Variants in PAPSS2 observed in about 807,000 individuals in gnomAD.
PAPSS2 encodes the protein 3'-phosphoadenosine 5'-phosphosulfate synthase 2.
Under a neutral mutation model 66.5 loss-of-function variants are expected in PAPSS2, and 61 were observed. The observed-to-expected ratio is 0.92, with a 90% confidence interval of 0.75 to 1.14. The LOEUF is 1.14. PAPSS2 is among the 50% of genes most tolerant of loss of function. The probability of loss-of-function intolerance (pLI) is 0.00; values close to 1 mark genes in which losing one functional copy is unlikely to be tolerated. For missense variants in PAPSS2, 708 were observed against 789.6 expected, an observed-to-expected ratio of 0.90 and a Z score of 1.24; for synonymous variants, 289 against 287.5, an observed-to-expected ratio of 1.01 and a Z score of -0.05.
At chr10:87,690,718 C>G (rs1017623047) in intron 1 of PAPSS2, among the ~76,000 whole-genome samples, 1 of 152,138 alleles carries the variant, frequency 6.6e-6, no homozygotes, top group African/African-American at 2.4e-5. Flanking sequence ...TTAAAAACAA[C>G]TATTTTTCTT....
intron 1 of PAPSS2, among the ~76,000 whole-genome samples, chr10:87,678,378 G>A (rs1185562449): frequency 2.0e-5 from 3 of 152,060 alleles, no homozygotes; most frequent in Non-Finnish European, 4.4e-5. Flanking sequence ...TCAAGATATT[G>A]GTCTAGGCAA....
chr10:87,721,933 C>G (rs558690306), intron 8 of PAPSS2, among the ~76,000 whole-genome samples, 163 bp downstream of exon 8: 1 of 152,238 alleles, frequency 6.6e-6, no homozygotes, highest in South Asian at 2.1e-4. Context: ...CTGTATTTTT[C>G]TTTAGACTGG....
intron 10 of PAPSS2, 58 bp from the exon 11 acceptor site, chr10:87,743,315 G>A: frequency 1.3e-6 from 2 of 1,547,606 alleles, no homozygotes; most frequent in Non-Finnish European, 1.8e-6. Context: ...TTCTGTTCTT[G>A]TGGAGAAATG....
chr10:87,662,272 A>G (rs1938361082), intron 1 of PAPSS2, among the ~76,000 whole-genome samples: 1 of 152,112 alleles, frequency 6.6e-6, no homozygotes, highest in Non-Finnish European at 1.5e-5. Flanking sequence ...GGAAAAGGAG[A>G]TACCTCTTTT....
At chr10:87,742,646 A>G (rs1211688630) in intron 10 of PAPSS2, among the ~76,000 whole-genome samples, 1 of 152,226 alleles carries the variant, frequency 6.6e-6, no homozygotes, top group Non-Finnish European at 1.5e-5. Flanking sequence ...AGATTTCTTT[A>G]AAGCGAAAGC....
chr10:87,712,069 G>C (rs1004185111), intron 2 of PAPSS2, among the ~76,000 whole-genome samples: 1 of 152,064 alleles, frequency 6.6e-6, no homozygotes, highest in African/African-American at 2.4e-5. Flanking sequence ...AAATTACAAA[G>C]TGTGTTCCTG....
rs545929343 is a variant in PAPSS2 at position 87,747,500 on chromosome 10, G to A, written c.*1530G>A. 24 of 152,184 alleles carry A rather than the reference G, an allele frequency of 1.6e-4. No individual in the cohort carries two copies. Among genetic ancestry groups the A allele is most frequent in the African/African-American group, 5.1e-4 (21 of 41,364 alleles). The allele number at this position is 152,184 out of a possible 1,614,324, so 9.4% of individuals were successfully genotyped here. On this transcript the variant is annotated 3_prime_UTR_variant, in exon 13 of 13. Coordinates refer to ENST00000456849, the MANE Select transcript of PAPSS2 (RefSeq NM_001015880.2). Reference sequence around the variant, plus strand: ...GTATAGTGCCTATACTCATGTAATCGGTTACTCACTACTGCCTTTAAAAAA... The same window carrying A: ...GTATAGTGCCTATACTCATGTAATCAGTTACTCACTACTGCCTTTAAAAAA...
chr10:87,698,956 A>G (rs940920042), intron 1 of PAPSS2, among the ~76,000 whole-genome samples: 2 of 152,240 alleles, frequency 1.3e-5, no homozygotes, highest in Non-Finnish European at 2.9e-5. Context: ...TAACCATAGT[A>G]TTGGAATTGA....
Position 87,714,801 on chromosome 10 carries a change from A to G in PAPSS2, c.577A>G (p.Lys193Glu). The G allele has an allele frequency of 6.2e-7, 1 of 1,613,678 alleles. No individual in the cohort carries two copies. Among genetic ancestry groups the G allele is most frequent in the Non-Finnish European group, 8.5e-7 (1 of 1,179,606 alleles). ...EKPETPERVL[K>E]TNLSTVSDCV... ...ACCTGAAACTCCTGAGCGTGTGCTT[A>G]AAACCAATTTGTCCACAGTGAGTGA... The change falls in exon 5 of 13, where the codon AAA (lysine) becomes GAA (glutamate). Residue 193 changes from lysine (K) to glutamate (E), a missense_variant. Coordinates refer to ENST00000456849, the MANE Select transcript of PAPSS2 (RefSeq NM_001015880.2).
At chr10:87,701,416 CTCT>C (rs1480424413) in intron 1 of PAPSS2, among the ~76,000 whole-genome samples, 1 of 118,858 alleles carries the variant, frequency 8.4e-6, no homozygotes, top group Admixed American at 9.8e-5. Flanking sequence ...CTCTCTCTCT[CTCT>C]CTCTCTCTCT....
rs545561154 is a variant in PAPSS2 at position 87,716,354 on chromosome 10, C to CT, written c.865+512dup. 3.3e-5 allele frequency among the ~76,000 whole-genome samples: 5 copies of CT among 152,358 alleles called. No homozygotes were observed. The East Asian group carries it at 7.7e-4, about 23-fold the overall frequency. On this transcript the variant is annotated intron_variant, in intron 7 of 12. Transcript: ENST00000456849. The stretch of plus-strand genomic sequence containing the variant: ...TTAAAATGGTTTCATCCACTACACT[C>CT]TAACAAAAGAGCATTAAGGCAGCTT...
At chr10:87,714,320 C>A in intron 4 of PAPSS2, 138 bp downstream of exon 4, 1 of 876,878 alleles carries the variant, frequency 1.1e-6, no homozygotes, top group Non-Finnish European at 1.9e-6. Context: ...TTTATCAGAT[C>A]ATGATATATT....
chr10:87,741,559 TA>T (rs1853870513), intron 10 of PAPSS2, among the ~76,000 whole-genome samples, 189 bp downstream of exon 10: 1 of 152,086 alleles, frequency 6.6e-6, no homozygotes. Context: ...TACGCCCAGC[TA>T]ATTTTTGTAT....
At chr10:87,665,083 G>A (rs1035767997) in intron 1 of PAPSS2, among the ~76,000 whole-genome samples, 4 of 152,126 alleles carry the variant, frequency 2.6e-5, no homozygotes, top group African/African-American at 9.7e-5. Flanking sequence ...TGTCATTACT[G>A]CTGAAAAATT....
chr10:87,673,580 G>A lies in PAPSS2; in HGVS notation c.27+13572G>A, dbSNP rs1463599914. ...TGTGTTTGTGTGTGTATGTATTCATGTGTGTGTGTGTGTGTGTGTGTGTCT... is the reference window on the plus strand; with the variant it reads ...TGTGTTTGTGTGTGTATGTATTCATATGTGTGTGTGTGTGTGTGTGTGTCT... On this transcript the variant is annotated intron_variant, in intron 1 of 12. Transcript: ENST00000456849. Among the ~76,000 whole-genome samples, 6 of 49,284 alleles carry A rather than the reference G, an allele frequency of 1.2e-4. No individual in the cohort carries two copies. The East Asian group carries it at 9.9e-3, about 81-fold the overall frequency. The allele number at this position is 49,284 out of a possible 152,430, so 32.3% of individuals were successfully genotyped here.
chr10:87,707,176 C>T lies in PAPSS2; in HGVS notation c.28-2020C>T, dbSNP rs572320201. ...CTTTCTTAACACCCCTAAAGGGCCA[C>T]GCAGGAAAGGATGGGACAAGTTGAT... On this transcript the variant is annotated intron_variant, in intron 1 of 12. Transcript: ENST00000456849. Among the ~76,000 whole-genome samples the T allele has an allele frequency of 1.3e-3, 202 of 152,292 alleles. No homozygotes were observed. The South Asian group carries it at 0.029, about 22-fold the overall frequency.
At chr10:87,737,298 C>G (rs1853812163) in intron 9 of PAPSS2, among the ~76,000 whole-genome samples, 1 of 151,804 alleles carries the variant, frequency 6.6e-6, no homozygotes, top group Non-Finnish European at 1.5e-5. Context: ...TCAGCTGAGA[C>G]TGGGAATAGA....
At chr10:87,685,022 G>A (rs1038383113) in intron 1 of PAPSS2, among the ~76,000 whole-genome samples, 1 of 152,130 alleles carries the variant, frequency 6.6e-6, no homozygotes, top group African/African-American at 2.4e-5. Context: ...CTCTACCCCT[G>A]GGACTAAAGC....
chr10:87,662,278 CT>C (rs900519143), intron 1 of PAPSS2, among the ~76,000 whole-genome samples: 1 of 152,148 alleles, frequency 6.6e-6, no homozygotes, highest in Non-Finnish European at 1.5e-5. Context: ...GGAGATACCT[CT>C]TTTCCAGGTT....
Sources: allele counts gnomAD v4.1 joint callset (sites outside exome capture counted in the v4.1 genomes callset), GRCh38; gene constraint gnomAD v4.1.1; transcripts MANE v1.5; gene names NCBI Gene and HGNC (gene_info 2026-07-23, HGNC 2026-07-21).